Variants in HUNK observed in about 807,000 individuals in gnomAD.
HUNK encodes hormonally up-regulated Neu-associated kinase.
Under a neutral mutation model 61.0 loss-of-function variants are expected in HUNK, and 21 were observed. The observed-to-expected ratio is 0.34, with a 90% CI of 0.24 to 0.50. The LOEUF is 0.50. Among genes scored for constraint, HUNK ranks in the 20% least tolerant of loss-of-function variants. The pLI is 0.98. For missense variants in HUNK, 772 were observed against 945.7 expected (o/e 0.82, Z 2.41); for synonymous variants, 371 against 386.1 (o/e 0.96, Z 0.46).
At chr21:31,981,001 G>A (rs543643537) in intron 7 of HUNK, among the ~76,000 whole-genome samples, 4 of 152,326 alleles carry the variant, frequency 2.6e-5, no homozygotes, top group South Asian at 2.1e-4. Flanking sequence ...ACTGTGGCCC[G>A]GGCCTAAGTC....
Position 31,974,550 on chromosome 21 carries a change from C to T in HUNK, c.1011-5C>T, listed in dbSNP as rs372591679. Reference sequence around the variant, plus strand: ...TGACTGGTCCTCTCTCTCTGCACCTCGCAGGATTTCTCTGGAAGATCTGAG... The same window carrying T: ...TGACTGGTCCTCTCTCTCTGCACCTTGCAGGATTTCTCTGGAAGATCTGAG... On this transcript the variant is annotated splice_region_variant and splice_polypyrimidine_tract_variant and intron_variant, in intron 6 of 10. Transcript: ENST00000270112. 9 of 1,611,332 alleles carry T rather than the reference C, an allele frequency of 5.6e-6. No homozygotes were observed. Among genetic ancestry groups the T allele is most frequent in the Admixed American group, 1.7e-5 (1 of 59,778 alleles).
At chr21:31,922,559 T>G (rs1472571568) in intron 1 of HUNK, among the ~76,000 whole-genome samples, 2 of 151,902 alleles carry the variant, frequency 1.3e-5, no homozygotes, top group Non-Finnish European at 2.9e-5. Context: ...ACTCCTGACC[T>G]CAAGTAATTC....
chr21:31,967,684 A>G (rs1482075996), intron 5 of HUNK, among the ~76,000 whole-genome samples: 1 of 152,216 alleles, frequency 6.6e-6, no homozygotes, highest in East Asian at 1.9e-4. Flanking sequence ...ATCAGAAAGC[A>G]GGACCTCTCT....
intron 1 of HUNK, among the ~76,000 whole-genome samples, chr21:31,889,869 T>G (rs2052373889): frequency 6.6e-6 from 1 of 152,170 alleles, no homozygotes; most frequent in African/African-American, 2.4e-5. Context: ...TTCTTTCCAG[T>G]GTTCAGACTT....
At position 31,999,079 on chromosome 21, in the gene HUNK, G is replaced by C. The variant is rs778106750; in HGVS notation, c.2040G>C (p.Gln680His). The change falls in exon 11 of 11, where the codon CAG becomes CAC. Residue 680 changes from glutamine to histidine, a missense_variant. By Grantham distance (24) the Gln-to-His change is conservative (BLOSUM62 0). This residue lies in a region of HUNK where 413 missense variants were observed against 444.4 expected (regional missense o/e 0.93). Coordinates refer to ENST00000270112, the MANE Select transcript of HUNK (RefSeq NM_014586.2). ...TAAGGAAGCGCCATCAGAGTCTGCAGCCATCTGCAGATAGGCCCCTGGAGG... is the reference window on the plus strand; with the variant it reads ...TAAGGAAGCGCCATCAGAGTCTGCACCCATCTGCAGATAGGCCCCTGGAGG... ...QMLRKRHQSLQPSADRPLEAS... is the reference protein window; with the variant it reads ...QMLRKRHQSLHPSADRPLEAS... The C allele has an allele frequency of 6.2e-7, 1 of 1,614,232 alleles. No individual in the cohort carries two copies. The highest frequency in any genetic ancestry group is 8.5e-7 in the Non-Finnish European group (1 of 1,180,040).
At chr21:31,976,607 C>T (rs1285160472) in intron 7 of HUNK, among the ~76,000 whole-genome samples, 1 of 151,394 alleles carries the variant, frequency 6.6e-6, no homozygotes, top group African/African-American at 2.4e-5. Flanking sequence ...GCTGGGACCA[C>T]AGGCACGTGC....
intron 2 of HUNK, among the ~76,000 whole-genome samples, chr21:31,928,683 C>G (rs765903664): frequency 6.6e-6 from 1 of 152,092 alleles, no homozygotes; most frequent in Non-Finnish European, 1.5e-5. Flanking sequence ...GTGGTTGAGA[C>G]CTCACATTAA....
At chr21:31,961,417 A>ACCCATTCTCT (rs1220969997) in intron 5 of HUNK, among the ~76,000 whole-genome samples, 2 of 152,202 alleles carry the variant, frequency 1.3e-5, no homozygotes, top group East Asian at 3.9e-4. Context: ...AATGCCTAAG[A>ACCCATTCTCT]GTGAAATTGC....
In HUNK at chr21:31,984,133, G is replaced by A. The variant is rs117201699; in HGVS notation, c.1257+524G>A. Among the ~76,000 whole-genome samples the A allele has an allele frequency of 8.1e-3, 1,235 of 152,202 alleles. 6 individuals carry two copies. Among genetic ancestry groups the A allele is most frequent in the Non-Finnish European group, 0.012 (806 of 68,000 alleles). ...GGTTGCTTAACGAACATGAAATTAC[G>A]GCTAGACAGAAGGAATAAGTTCCGG... On this transcript the variant is annotated intron_variant, in intron 8 of 10. Coordinates refer to ENST00000270112, the MANE Select transcript of HUNK (RefSeq NM_014586.2).
At chr21:31,889,020 G>A (rs2052368282) in intron 1 of HUNK, among the ~76,000 whole-genome samples, 1 of 152,082 alleles carries the variant, frequency 6.6e-6, no homozygotes, top group South Asian at 2.1e-4. Context: ...TTTTGCGCTG[G>A]GGGCTGAAAA....
intron 6 of HUNK, among the ~76,000 whole-genome samples, chr21:31,971,127 G>T (rs1568938240): frequency 6.6e-6 from 1 of 151,958 alleles, no homozygotes; most frequent in Non-Finnish European, 1.5e-5. Context: ...CGCCCAGGCT[G>T]GAGTGCAGTG....
chr21:31,940,798 G>T (rs2123827817), intron 3 of HUNK, among the ~76,000 whole-genome samples: 1 of 152,290 alleles, frequency 6.6e-6, no homozygotes, highest in Admixed American at 6.5e-5. Flanking sequence ...TGGTTCTGTT[G>T]TTGTTATTTT....
intron 6 of HUNK, among the ~76,000 whole-genome samples, chr21:31,971,940 C>T (rs1453573729): frequency 2.7e-5 from 4 of 146,358 alleles, no homozygotes; most frequent in African/African-American, 5.5e-5. Flanking sequence ...GTAACCTTCA[C>T]GCCTCAGCTT....
intron 1 of HUNK, among the ~76,000 whole-genome samples, chr21:31,889,839 T>A (rs2052373522): frequency 6.6e-6 from 1 of 152,206 alleles, no homozygotes; most frequent in South Asian, 2.1e-4. Context: ...TACCTGAGAA[T>A]GTGCGGGGTA....
intron 1 of HUNK, among the ~76,000 whole-genome samples, chr21:31,907,479 T>C (rs889600518): frequency 6.6e-5 from 10 of 152,134 alleles, no homozygotes; most frequent in Non-Finnish European, 1.5e-4. Context: ...GAGGCGAGGA[T>C]GTCTCCTGTG....
At chr21:31,915,939 C>T (rs1200803793) in intron 1 of HUNK, among the ~76,000 whole-genome samples, 2 of 151,798 alleles carry the variant, frequency 1.3e-5, no homozygotes, top group Non-Finnish European at 2.9e-5. Context: ...AATGCTTATT[C>T]ACCCTCTCTA....
Position 32,000,820 on chromosome 21 carries a change from T to C in HUNK, c.*1636T>C. On this transcript the variant is annotated 3_prime_UTR_variant, in exon 11 of 11. Coordinates refer to ENST00000270112, the MANE Select transcript of HUNK (RefSeq NM_014586.2). Reference sequence around the variant, plus strand: ...ACATCTCTGACAGAGCGGGACAGAATGGATATTTGGCTGACCTTGGTGAGA... The same window carrying C: ...ACATCTCTGACAGAGCGGGACAGAACGGATATTTGGCTGACCTTGGTGAGA... The C allele has an allele frequency of 5.0e-6, 2 of 398,304 alleles. No homozygotes were observed. Among genetic ancestry groups the C allele is most frequent in the Non-Finnish European group, 4.4e-6 (1 of 226,080 alleles). The allele number at this position is 398,304 out of a possible 1,614,324, so 24.7% of individuals were successfully genotyped here. A position where few individuals can be genotyped will look rare whatever the true frequency, so the allele number is the denominator to read the frequency against.
intron 8 of HUNK, 140 bp from the exon 9 acceptor site, chr21:31,989,989 C>T: frequency 1.3e-6 from 1 of 744,794 alleles, no homozygotes; most frequent in Non-Finnish European, 2.4e-6. Context: ...ACTTCCATGG[C>T]AATTTCAGGA....
At chr21:31,967,975 A>G (rs1260242809) in intron 5 of HUNK, among the ~76,000 whole-genome samples, 1 of 152,094 alleles carries the variant, frequency 6.6e-6, no homozygotes, top group East Asian at 1.9e-4. Flanking sequence ...TTGGACAGAG[A>G]AATTAAATTC....
Sources: gnomAD v4.1 joint callset for allele counts (sites outside exome capture counted in the v4.1 genomes callset) on GRCh38, gnomAD v4.1.1 for gene constraint, gnomAD v4.1.1 regional missense constraint, MANE v1.5 for transcripts, NCBI Gene and HGNC (gene_info 2026-07-23, HGNC 2026-07-21) for gene names.